NPVF: variants seen among roughly 807,000 people sequenced by gnomAD.
NPVF encodes pro-FMRFamide-related neuropeptide VF.
A neutral mutation model predicts 15.7 loss-of-function variants in NPVF; 17 were observed. That is an observed-to-expected ratio of 1.08 (90% CI 0.74 to 1.62). The LOEUF (loss-of-function observed/expected upper bound fraction) is 1.62. NPVF is among the 40% of genes most tolerant of loss of function. The pLI is 0.00. For missense variants in NPVF, 270 were observed against 225.2 expected (o/e 1.20, Z -1.27); for synonymous variants, 70 against 80.1 (o/e 0.87, Z 0.67).
chr7:25,226,966 G>A lies in NPVF; in HGVS notation c.199C>T (p.Pro67Ser), dbSNP rs1452456951. Reference protein sequence around the residue: ...LNFEELKDWGPKNVIKMSTPA... With the variant: ...LNFEELKDWGSKNVIKMSTPA... ...GTACTCATCTTAATAACATTTTTTG[G>A]TCCCCAATCTTTTAATTCCTCAAAA... The change falls in exon 2 of 3, where the codon CCA becomes TCA. Residue 67 changes from proline to serine, a missense_variant. By Grantham distance (74) the Pro-to-Ser change is moderately conservative. Coordinates refer to ENST00000222674, the MANE Select transcript of NPVF (RefSeq NM_022150.3). The A allele has an allele frequency of 6.2e-7, 1 of 1,613,698 alleles. No homozygotes were observed. Among genetic ancestry groups the A allele is most frequent in the Non-Finnish European group, 8.5e-7 (1 of 1,179,922 alleles).
At position 25,225,170 on chromosome 7, in the gene NPVF, T is replaced by C. The variant is rs562962356; in HGVS notation, c.543A>G (p.Arg181=). 1.9e-6 allele frequency: 3 copies of C among 1,612,258 alleles called. No individual in the cohort carries two copies. The highest frequency in any genetic ancestry group is 2.5e-6 in the Non-Finnish European group (3 of 1,178,698). Residue 181 remains arginine (R), a synonymous_variant, in exon 3 of 3, where the codon AGA becomes AGG. Coordinates refer to ENST00000222674, the MANE Select transcript of NPVF (RefSeq NM_022150.3). ...IQNPDQKQSR[R]LLFKKIDDAE... is the part of the protein sequence containing the mutation. ...CATCATCTATTTTCTTGAATAGCAG[T>C]CTCCTAAAATGTAAGCAGTATAAAA...
chr7:25,225,748 T>C (rs1783117584), intron 2 of NPVF, among the ~76,000 whole-genome samples: 1 of 152,202 alleles, frequency 6.6e-6, no homozygotes, highest in Non-Finnish European at 1.5e-5. Flanking sequence ...TGCAGGACCT[T>C]ATTAGTGCCT....
Position 25,226,749 on chromosome 7 carries a change from C to T in NPVF, c.416G>A (p.Ser139Asn). 1 of 1,614,194 alleles carries T rather than the reference C, an allele frequency of 6.2e-7. No individual in the cohort carries two copies. The highest frequency in any genetic ancestry group is 1.1e-5 in the South Asian group (1 of 91,082). ...QRFGRTTTAK[S>N]VCRMLSDLCQ... Reference sequence around the variant, plus strand: ...CAAATCACTCAGCATCCTGCAGACACTTTTGGCTGTTGTTGTTCTCCCAAA... The same window carrying T: ...CAAATCACTCAGCATCCTGCAGACATTTTTGGCTGTTGTTGTTCTCCCAAA... The change falls in exon 2 of 3, where the codon AGT (serine) becomes AAT (asparagine). Residue 139 changes from serine (S) to asparagine (N), a missense_variant. By Grantham distance (46) the Ser-to-Asn change is conservative (BLOSUM62 1). Coordinates refer to ENST00000222674, the MANE Select transcript of NPVF (RefSeq NM_022150.3).
At position 25,224,617 on chromosome 7, in the gene NPVF, A is replaced by G. The variant is rs1332714602; in HGVS notation, c.*505T>C. 2 of 152,660 alleles carry G rather than the reference A, an allele frequency of 1.3e-5. No homozygotes were observed. Among genetic ancestry groups the G allele is most frequent in the African/African-American group, 4.8e-5 (2 of 41,472 alleles). The allele number at this position is 152,660 out of a possible 1,614,324, so 9.5% of individuals were successfully genotyped here. A position where few individuals can be genotyped will look rare whatever the true frequency, so the allele number is the denominator to read the frequency against. The stretch of plus-strand genomic sequence containing the variant: ...AAGAGTTTTTATTTTGTAGTTTTAC[A>G]CAGACATTTACATTTCAATTGATCA... On this transcript the variant is annotated 3_prime_UTR_variant, in exon 3 of 3. Coordinates refer to ENST00000222674, the MANE Select transcript of NPVF (RefSeq NM_022150.3).
At position 25,228,418 on chromosome 7, in the gene NPVF, G is replaced by C. The variant is rs1348900467; in HGVS notation, c.22C>G (p.Leu8Val). 1 of 1,587,092 alleles carries C rather than the reference G, an allele frequency of 6.3e-7. No individual in the cohort carries two copies. Residue 8 changes from leucine (L) to valine (V), a missense_variant, in exon 1 of 3, where the codon CTA becomes GTA. Coordinates refer to ENST00000222674, the MANE Select transcript of NPVF (RefSeq NM_022150.3). ...GTGGCTAAAGTCAATAAAATGAATA[G>C]TTTTGATGAAATAATTTCCATTTTG... is the stretch of plus-strand genomic sequence containing the variant. MEIISSK[L>V]FILLTLATSS...
At chr7:25,227,858 C>T (rs951377806) in intron 1 of NPVF, among the ~76,000 whole-genome samples, 11 of 152,298 alleles carry the variant, frequency 7.2e-5, no homozygotes, top group African/African-American at 2.6e-4. Context: ...TGCAATTTTA[C>T]CATCTACAGG....
chr7:25,226,598 G>A, intron 2 of NPVF, 28 bp downstream of exon 2: 1 of 1,604,362 alleles, frequency 6.2e-7, no homozygotes, highest in Non-Finnish European at 8.5e-7. Context: ...AACTGCCCAT[G>A]CACTTTGACT....
In NPVF at chr7:25,224,662, C is replaced by T. The variant is rs1783101761; in HGVS notation, c.*460G>A. 1 of 153,708 alleles carries T rather than the reference C, an allele frequency of 6.5e-6. No individual in the cohort carries two copies. The highest frequency in any genetic ancestry group is 2.4e-5 in the African/African-American group (1 of 41,492). The allele number at this position is 153,708 out of a possible 1,614,324, so 9.5% of individuals were successfully genotyped here. A position where few individuals can be genotyped will look rare whatever the true frequency, so the allele number is the denominator to read the frequency against. On this transcript the variant is annotated 3_prime_UTR_variant, in exon 3 of 3. Coordinates refer to ENST00000222674, the MANE Select transcript of NPVF (RefSeq NM_022150.3). ...TGATCACAGATTCATTAACATTTGACACGATAGAAAGGGTGTACAGAAACA... is the reference window on the plus strand; with the variant it reads ...TGATCACAGATTCATTAACATTTGATACGATAGAAAGGGTGTACAGAAACA...
chr7:25,226,489 T>A, intron 2 of NPVF, 137 bp downstream of exon 2: 1 of 1,003,816 alleles, frequency 1.0e-6, no homozygotes. Context: ...TTTAGTTCCT[T>A]GTGTCTTTGC....
Position 25,225,014 on chromosome 7 carries a change from G to T in NPVF, c.*108C>A. 1.2e-6 allele frequency: 1 copy of T among 860,146 alleles called. No individual in the cohort carries two copies. 53.3% of individuals were successfully genotyped at this position (860,146 alleles called of 1,614,324 possible). On this transcript the variant is annotated 3_prime_UTR_variant, in exon 3 of 3. Transcript: ENST00000222674. ...GTACTGACAAGGAAAAATTGCCGTT[G>T]ATGATCCATAGCTGATGAAGTGTAT...
intron 1 of NPVF, among the ~76,000 whole-genome samples, chr7:25,228,082 G>A (rs1304288288): frequency 6.6e-6 from 1 of 152,138 alleles, no homozygotes; most frequent in Admixed American, 6.5e-5. Context: ...TGCTTGCTAA[G>A]TACCATACTC....
intron 2 of NPVF, among the ~76,000 whole-genome samples, chr7:25,225,921 C>T (rs896336446): frequency 2.0e-5 from 3 of 152,076 alleles, no homozygotes; most frequent in African/African-American, 7.2e-5. Flanking sequence ...GGATAAGTAC[C>T]ATGGAAAAGA....
Position 25,226,682 on chromosome 7 carries a change from A to C in NPVF, c.483T>G (p.Phe161Leu). 1 of 1,614,200 alleles carries C rather than the reference A, an allele frequency of 6.2e-7. No individual in the cohort carries two copies. The highest frequency in any genetic ancestry group is 2.2e-5 in the East Asian group (1 of 44,884). Residue 161 changes from phenylalanine to leucine, a missense_variant, in exon 2 of 3, where the codon TTT becomes TTG. Phe to Leu is a conservative substitution (Grantham distance 22, BLOSUM62 0). Coordinates refer to ENST00000222674, the MANE Select transcript of NPVF (RefSeq NM_022150.3). ...CTTGGTGCTGGCAGGTCATGGAGTA[A>C]AATAAGTCATTGGCACATGGTGAAT... ...SMHSPCANDL[F>L]YSMTCQHQEI...
chr7:25,228,311 T>C lies in NPVF; in HGVS notation c.129A>G (p.Lys43=). 6.7e-7 allele frequency: 1 copy of C among 1,482,660 alleles called. No individual in the cohort carries two copies. The highest frequency in any genetic ancestry group is 9.4e-7 in the Non-Finnish European group (1 of 1,064,516). 91.8% of individuals were successfully genotyped at this position (1,482,660 alleles called of 1,614,324 possible). A position where few individuals can be genotyped will look rare whatever the true frequency, so the allele number is the denominator to read the frequency against. Residue 43 remains lysine (K), a synonymous_variant, in exon 1 of 3, where the codon AAA becomes AAG. Transcript: ENST00000222674. ...GATTTAAAAAACTTACCTCAGAATA[T>C]TTGTCATAATTTTCTTTGCTGTGAA... is the stretch of plus-strand genomic sequence containing the variant. ...SNLHSKENYD[K]YSEPRGYPKG... is the part of the protein sequence containing the mutation.
chr7:25,225,028 G>C lies in NPVF; in HGVS notation c.*94C>G. 1.0e-6 allele frequency: 1 copy of C among 1,004,036 alleles called. No individual in the cohort carries two copies. Among genetic ancestry groups the C allele is most frequent in the Non-Finnish European group, 1.5e-6 (1 of 652,868 alleles). The allele number at this position is 1,004,036 out of a possible 1,614,324, so 62.2% of individuals were successfully genotyped here. A position where few individuals can be genotyped will look rare whatever the true frequency, so the allele number is the denominator to read the frequency against. ...AAATTGCCGTTGATGATCCATAGCT[G>C]ATGAAGTGTATGTAGCTACTCTTCC... On this transcript the variant is annotated 3_prime_UTR_variant, in exon 3 of 3. Coordinates refer to ENST00000222674, the MANE Select transcript of NPVF (RefSeq NM_022150.3).
rs1404611247 is a variant in NPVF at position 25,226,906 on chromosome 7, T to A, written c.259A>T (p.Asn87Tyr). The A allele has an allele frequency of 6.2e-7, 1 of 1,614,198 alleles. No individual in the cohort carries two copies. Among genetic ancestry groups the A allele is most frequent in the South Asian group, 1.1e-5 (1 of 91,086 alleles). The change falls in exon 2 of 3, where the codon AAC (asparagine) becomes TAC (tyrosine). Residue 87 changes from asparagine to tyrosine, a missense_variant. Transcript: ENST00000222674. ...TTCCTCCCAAATCTCAATGGCAAGT[T>A]GGCGAAGGAGTGTGGCATTTTATTG... Reference protein sequence around the residue: ...AVNKMPHSFANLPLRFGRNVQ... With the variant: ...AVNKMPHSFAYLPLRFGRNVQ...
chr7:25,226,881 T>C lies in NPVF; in HGVS notation c.284A>G (p.Asn95Ser). The change falls in exon 2 of 3, where the codon AAC becomes AGC. Residue 95 changes from asparagine to serine, a missense_variant. Physicochemically the swap from Asn to Ser is conservative, Grantham distance 46 (BLOSUM62 1). Transcript: ENST00000222674. Reference sequence around the variant, plus strand: ...TCCAGCACTTCTTTCTTCTTGAACGTTCCTCCCAAATCTCAATGGCAAGTT... The same window carrying C: ...TCCAGCACTTCTTTCTTCTTGAACGCTCCTCCCAAATCTCAATGGCAAGTT... ...FANLPLRFGR[N>S]VQEERSAGAT... The C allele has an allele frequency of 6.2e-7, 1 of 1,614,214 alleles. No homozygotes were observed.
rs1006349931 is a variant in NPVF, at chr7:25,226,792, G to A, written c.373C>T (p.Pro125Ser). Residue 125 changes from proline (P) to serine (S), a missense_variant, in exon 2 of 3, where the codon CCT (proline) becomes TCT (serine). Transcript: ENST00000222674. ...NMEVSLVRRVPNLPQRFGRTT... is the reference protein window; with the variant it reads ...NMEVSLVRRVSNLPQRFGRTT... Reference sequence around the variant, plus strand: ...CTCCCAAACCTTTGGGGCAGGTTAGGAACACGTCTCACGAGGCTCACCTCC... The same window carrying A: ...CTCCCAAACCTTTGGGGCAGGTTAGAAACACGTCTCACGAGGCTCACCTCC... 6.2e-7 allele frequency: 1 copy of A among 1,614,006 alleles called. No homozygotes were observed. The highest frequency in any genetic ancestry group is 8.5e-7 in the Non-Finnish European group (1 of 1,179,986).
chr7:25,227,037 A>T lies in NPVF; in HGVS notation c.139-11T>A, dbSNP rs1226549797. The T allele has an allele frequency of 6.3e-7, 1 of 1,594,418 alleles. No individual in the cohort carries two copies. The highest frequency in any genetic ancestry group is 8.6e-7 in the Non-Finnish European group (1 of 1,169,114). ...TGGGTATCCTCTAGGCTATAATTAG[A>T]AATGACCATTACAATAACATACTGT... On this transcript the variant is annotated splice_polypyrimidine_tract_variant and intron_variant, in intron 1 of 2. Transcript: ENST00000222674.
Sources: gnomAD v4.1 joint callset for allele counts (sites outside exome capture counted in the v4.1 genomes callset) on GRCh38, gnomAD v4.1.1 for gene constraint, MANE v1.5 for transcripts, NCBI Gene and HGNC (gene_info 2026-07-23, HGNC 2026-07-21) for gene names.